The following RABGAP1L variants were observed in gnomAD, a reference collection of about 807,000 sequenced individuals.
RABGAP1L encodes rab GTPase-activating protein 1-like.
Under a neutral mutation model 137.7 loss-of-function variants are expected in RABGAP1L, and 63 were observed. The ratio of observed to expected loss-of-function variants is 0.46; its 90% CI spans 0.37 to 0.56. RABGAP1L has a LOEUF of 0.56. Ranked by LOEUF, RABGAP1L falls within the 20% of genes least tolerant of loss-of-function variation. RABGAP1L has a pLI of 0.00. For synonymous variants in RABGAP1L, 431 were observed against 433.7 expected, an observed-to-expected ratio of 0.99 and a Z score of 0.08; for missense variants, 1,095 against 1,244.0, an observed-to-expected ratio of 0.88 and a Z score of 1.80.
intron 13 of RABGAP1L, among the ~76,000 whole-genome samples, chr1:174,540,043 G>A (rs1443487514): frequency 1.3e-5 from 2 of 152,230 alleles, no homozygotes; most frequent in Non-Finnish European, 2.9e-5. Flanking sequence ...CTGATTGCCA[G>A]TGATGATAAG....
chr1:174,697,578 C>T (rs1472232865), intron 15 of RABGAP1L, among the ~76,000 whole-genome samples: 4 of 152,170 alleles, frequency 2.6e-5, no homozygotes, highest in African/African-American at 2.4e-5. Context: ...CTTGGCATCC[C>T]AAAGTGCTGG....
chr1:174,174,859 C>T (rs1456277989), intron 1 of RABGAP1L, among the ~76,000 whole-genome samples: 1 of 152,136 alleles, frequency 6.6e-6, no homozygotes. Context: ...CGTTCTTACT[C>T]AGTCTATTGA....
intron 19 of RABGAP1L, among the ~76,000 whole-genome samples, chr1:174,912,632 G>C (rs2149200827): frequency 6.6e-6 from 1 of 152,258 alleles, no homozygotes; most frequent in South Asian, 2.1e-4. Flanking sequence ...CTTAGATGAG[G>C]CTAATTTGTT....
chr1:174,860,179 T>C (rs1037217296), intron 19 of RABGAP1L, among the ~76,000 whole-genome samples: 11 of 152,170 alleles, frequency 7.2e-5, no homozygotes, highest in Non-Finnish European at 1.2e-4. Flanking sequence ...GTGTGGACTT[T>C]ACGAAAATCA....
chr1:174,242,901 T>C (rs1160757272), intron 5 of RABGAP1L: 1 of 152,196 alleles, frequency 6.6e-6, no homozygotes, highest in Admixed American at 6.5e-5. Context: ...TAGTAGACAG[T>C]GAATATAAAT....
intron 12 of RABGAP1L, among the ~76,000 whole-genome samples, chr1:174,375,652 A>C (rs559782567): frequency 6.6e-6 from 1 of 152,332 alleles, no homozygotes; most frequent in East Asian, 1.9e-4. Context: ...GCCAAAGCTT[A>C]CTTGAAATAA....
At chr1:174,588,313 A>C (rs1372288586) in intron 13 of RABGAP1L, among the ~76,000 whole-genome samples, 1 of 151,930 alleles carries the variant, frequency 6.6e-6, no homozygotes, top group Non-Finnish European at 1.5e-5. Flanking sequence ...ACAGGCATGC[A>C]CCACCATGCC....
chr1:174,535,637 C>A (rs377073362), intron 13 of RABGAP1L, among the ~76,000 whole-genome samples: 1 of 152,238 alleles, frequency 6.6e-6, no homozygotes, highest in South Asian at 2.1e-4. Context: ...ATTTCTTCAA[C>A]CTTTTTCCTT....
chr1:174,625,200 T>A (rs951264205), intron 13 of RABGAP1L, among the ~76,000 whole-genome samples: 3 of 152,102 alleles, frequency 2.0e-5, no homozygotes, highest in Non-Finnish European at 2.9e-5. Flanking sequence ...TATTACTTTT[T>A]ACTAACCAAT....
intron 17 of RABGAP1L, among the ~76,000 whole-genome samples, chr1:174,713,134 A>G (rs1292442647): frequency 1.3e-5 from 2 of 152,190 alleles, no homozygotes; most frequent in Admixed American, 6.5e-5. Flanking sequence ...CATACATTGA[A>G]GTGCTATGTA....
At chr1:174,180,997 A>G (rs1666307282) in intron 1 of RABGAP1L, among the ~76,000 whole-genome samples, 1 of 152,200 alleles carries the variant, frequency 6.6e-6, no homozygotes, top group South Asian at 2.1e-4. Flanking sequence ...CAGACGAGAA[A>G]ACAGAGGATA....
At chr1:174,191,336 G>A (rs953426531) in intron 1 of RABGAP1L, among the ~76,000 whole-genome samples, 4 of 152,180 alleles carry the variant, frequency 2.6e-5, no homozygotes, top group African/African-American at 9.7e-5. Context: ...AAACTGGGGT[G>A]AATGAAGAGA....
chr1:174,225,248 T>C (rs1022775707), intron 3 of RABGAP1L, among the ~76,000 whole-genome samples: 2 of 152,126 alleles, frequency 1.3e-5, no homozygotes, highest in African/African-American at 4.8e-5. Flanking sequence ...ATTTACATTG[T>C]TTTTTAAAGT....
At chr1:174,696,216 A>T (rs1393428054) in intron 15 of RABGAP1L, among the ~76,000 whole-genome samples, 3 of 151,906 alleles carry the variant, frequency 2.0e-5, no homozygotes, top group African/African-American at 7.3e-5. Flanking sequence ...GACTCAGGGG[A>T]TTCAGGACTC....
At chr1:174,981,002 A>G (rs1389370585) in intron 23 of RABGAP1L, among the ~76,000 whole-genome samples, 1 of 152,062 alleles carries the variant, frequency 6.6e-6, no homozygotes, top group Non-Finnish European at 1.5e-5. Flanking sequence ...ATTAACCAAT[A>G]CAAGGAACAT....
chr1:174,957,539 A>G lies in RABGAP1L; in HGVS notation c.2423A>G (p.Asp808Gly), dbSNP rs1668664318. ...ESQLQQEDPMDRYKRENRRLQ... is the reference protein window; with the variant it reads ...ESQLQQEDPMGRYKRENRRLQ... ...CAGCTGCAACAGGAAGACCCAATGG[A>G]TAGATACAAGGTATGAGAAATATGT... The change falls in exon 20 of 26, where the codon GAT (aspartate) becomes GGT (glycine). Residue 808 changes from aspartate (D) to glycine (G), a missense_variant. Asp to Gly is a moderately conservative substitution (Grantham distance 94). This residue lies in a region of RABGAP1L where 312 missense variants were observed against 435.6 expected (regional missense o/e 0.72). Coordinates refer to ENST00000681986, the MANE Select transcript of RABGAP1L (RefSeq NM_001366446.1). 1.2e-6 allele frequency: 2 copies of G among 1,603,882 alleles called. No homozygotes were observed. Among genetic ancestry groups the G allele is most frequent in the African/African-American group, 2.7e-5 (2 of 74,654 alleles).
intron 13 of RABGAP1L, among the ~76,000 whole-genome samples, chr1:174,419,240 A>G (rs1178735400): frequency 6.6e-6 from 1 of 152,160 alleles, no homozygotes; most frequent in East Asian, 1.9e-4. Context: ...GTGCATTCAA[A>G]CCACCTGCGG....
At chr1:174,722,986 A>G (rs1436668959) in intron 17 of RABGAP1L, among the ~76,000 whole-genome samples, 2 of 152,196 alleles carry the variant, frequency 1.3e-5, no homozygotes, top group Non-Finnish European at 2.9e-5. Flanking sequence ...ACTGATGAAC[A>G]TTTTCAAAAG....
intron 13 of RABGAP1L, among the ~76,000 whole-genome samples, chr1:174,512,773 T>C (rs1434493977): frequency 6.6e-6 from 1 of 152,196 alleles, no homozygotes; most frequent in Admixed American, 6.5e-5. Flanking sequence ...ATGACAAGCA[T>C]GTTAAATGTG....
Sources: allele counts gnomAD v4.1 joint callset (sites outside exome capture counted in the v4.1 genomes callset), GRCh38; gene constraint gnomAD v4.1.1; regional missense constraint gnomAD v4.1.1; transcripts MANE v1.5; gene names NCBI Gene and HGNC (gene_info 2026-07-23, HGNC 2026-07-21).